The following DCDC1 variants were observed in gnomAD, a reference collection of about 807,000 sequenced individuals.
DCDC1 encodes the protein doublecortin domain containing 1.
A neutral mutation model predicts 178.3 loss-of-function variants in DCDC1; 200 were observed. The ratio of observed to expected loss-of-function variants is 1.12; its 90% confidence interval spans 1.00 to 1.26. The LOEUF (loss-of-function observed/expected upper bound fraction) is 1.26. DCDC1 is among the 50% of genes most tolerant of loss of function. The pLI is 0.00. For synonymous variants in DCDC1, 690 were observed against 604.8 expected, an observed-to-expected ratio of 1.14 and a Z score of -2.07; for missense variants, 1,983 against 1,749.2, an observed-to-expected ratio of 1.13 and a Z score of -2.38.
At chr11:30,918,083 A>G (rs1377900836) in intron 25 of DCDC1, among the ~76,000 whole-genome samples, 2 of 152,138 alleles carry the variant, frequency 1.3e-5, no homozygotes, top group Non-Finnish European at 2.9e-5. Flanking sequence ...TTAAAAATAA[A>G]ACGCACAGCT....
chr11:30,923,861 C>A (rs1946425148), intron 23 of DCDC1, among the ~76,000 whole-genome samples: 2 of 152,096 alleles, frequency 1.3e-5, no homozygotes, highest in Non-Finnish European at 2.9e-5. Flanking sequence ...AGGTGATCCA[C>A]CCACCTCGGC....
chr11:31,036,443 T>C (rs1278922876), intron 20 of DCDC1, among the ~76,000 whole-genome samples: 1 of 152,206 alleles, frequency 6.6e-6, no homozygotes, highest in Non-Finnish European at 1.5e-5. Context: ...CACTAAGCCC[T>C]GACCCACCTA....
intron 17 of DCDC1, among the ~76,000 whole-genome samples, chr11:31,084,972 C>T (rs1194211596): frequency 2.7e-5 from 4 of 150,812 alleles, no homozygotes; most frequent in East Asian, 4.0e-4. Context: ...TTTCAGTATC[C>T]GGTGTGCCTA....
chr11:31,277,421 T>C (rs7118184), intron 7 of DCDC1, among the ~76,000 whole-genome samples: 39,845 of 152,076 alleles, frequency 0.26, 5,374 homozygotes, highest in African/African-American at 0.32. Flanking sequence ...ATATGTTATT[T>C]ATCTTGGTAT....
At position 30,884,033 on chromosome 11, in the gene DCDC1, A is replaced by ATTTTTTTTTTTTTTTTTTTTTTT. The variant is rs59940255; in HGVS notation, c.5083-2726_5083-2725insAAAAAAAAAAAAAAAAAAAAAAA. Among the ~76,000 whole-genome samples, 4 of 95,784 alleles carry ATTTTTTTTTTTTTTTTTTTTTTT rather than the reference A, an allele frequency of 4.2e-5. 1 individual carries two copies. The highest frequency in any genetic ancestry group is 6.0e-5 in the Non-Finnish European group (3 of 49,926). The allele number at this position is 95,784 out of a possible 152,430, so 62.8% of individuals were successfully genotyped here. ...AAAGAAAACCAAAGCATTCTTTCTC[A>ATTTTTTTTTTTTTTTTTTTTTTT]TTTTTTTTTTTTTTTGAGACAGGGT... On this transcript the variant is annotated intron_variant, in intron 36 of 38. Transcript: ENST00000684477.
intron 6 of DCDC1, among the ~76,000 whole-genome samples, chr11:31,295,808 C>T (rs953389946): frequency 5.9e-5 from 9 of 152,102 alleles, no homozygotes; most frequent in Non-Finnish European, 8.8e-5. Flanking sequence ...ACCTGAGACG[C>T]GGTAAAGGAA....
intron 17 of DCDC1, among the ~76,000 whole-genome samples, chr11:31,087,842 G>T (rs1322212662): frequency 1.3e-5 from 2 of 152,054 alleles, no homozygotes; most frequent in Non-Finnish European, 2.9e-5. Flanking sequence ...GGTAAAGTTG[G>T]TCTGTAATGT....
chr11:30,979,915 A>C (rs935980812), intron 20 of DCDC1, among the ~76,000 whole-genome samples: 1 of 152,224 alleles, frequency 6.6e-6, no homozygotes, highest in African/African-American at 2.4e-5. Flanking sequence ...TCTGAGAGGC[A>C]AGAAGCAATA....
chr11:30,900,598 C>A, intron 32 of DCDC1, 100 bp from the exon 33 acceptor site: 1 of 1,205,900 alleles, frequency 8.3e-7, no homozygotes. Flanking sequence ...TCATTAATAA[C>A]TTAATTTGAT....
At position 31,365,639 on chromosome 11, in the gene DCDC1, G is replaced by A. The variant is rs141547187; in HGVS notation, c.-125+4058C>T. 4.6e-5 allele frequency among the ~76,000 whole-genome samples: 7 copies of A among 152,190 alleles called. No individual in the cohort carries two copies. The East Asian group carries it at 5.8e-4, about 13-fold the overall frequency. ...GGTAGACGTTAGTTTACGGGCAGGC[G>A]TGTACCAAAGTGATAGATTTAATAA... On this transcript the variant is annotated intron_variant, in intron 1 of 38. Coordinates refer to ENST00000684477, the MANE Select transcript of DCDC1 (RefSeq NM_001387274.1).
chr11:31,348,302 T>A (rs571357339), intron 1 of DCDC1, among the ~76,000 whole-genome samples: 1 of 152,282 alleles, frequency 6.6e-6, no homozygotes, highest in East Asian at 1.9e-4. Context: ...AAAGCATGCA[T>A]GTGGAAGAAA....
intron 2 of DCDC1, among the ~76,000 whole-genome samples, chr11:31,331,115 A>C (rs1485771580): frequency 6.6e-6 from 1 of 152,136 alleles, no homozygotes; most frequent in Non-Finnish European, 1.5e-5. Flanking sequence ...ATCCCTTGTA[A>C]GCTGGATTCC....
At chr11:30,953,906 A>G (rs894101903) in intron 20 of DCDC1, among the ~76,000 whole-genome samples, 1 of 152,126 alleles carries the variant, frequency 6.6e-6, no homozygotes, top group Non-Finnish European at 1.5e-5. Flanking sequence ...ATAAGAATGT[A>G]AGACAAACCA....
At chr11:31,043,202 CT>C (rs1314749867) in intron 20 of DCDC1, among the ~76,000 whole-genome samples, 1 of 152,180 alleles carries the variant, frequency 6.6e-6, no homozygotes, top group Admixed American at 6.5e-5. Flanking sequence ...TCTATGCAGT[CT>C]GTCACTGACC....
At chr11:31,027,169 G>T (rs1011077826) in intron 20 of DCDC1, among the ~76,000 whole-genome samples, 6 of 151,754 alleles carry the variant, frequency 4.0e-5, no homozygotes, top group African/African-American at 1.4e-4. Flanking sequence ...GAAAAATGAA[G>T]ATTCAAAATA....
intron 9 of DCDC1, among the ~76,000 whole-genome samples, chr11:31,233,087 C>CAAAA (rs145908518): frequency 8.1e-6 from 1 of 122,732 alleles, no homozygotes. Flanking sequence ...GACTTCATCT[C>CAAAA]AAAAAAAAAA....
intron 9 of DCDC1, among the ~76,000 whole-genome samples, chr11:31,145,400 T>A (rs1164382970): frequency 2.6e-5 from 4 of 152,086 alleles, no homozygotes; most frequent in Admixed American, 2.6e-4. Flanking sequence ...TCTGAAGAGA[T>A]CTTTACTAGG....
At chr11:30,986,423 C>T (rs1462366518) in intron 20 of DCDC1, among the ~76,000 whole-genome samples, 1 of 151,444 alleles carries the variant, frequency 6.6e-6, no homozygotes, top group Non-Finnish European at 1.5e-5. Context: ...AGCTCCGCCT[C>T]CTGGGTTCAA....
At chr11:31,268,810 G>A (rs549461140) in intron 7 of DCDC1, among the ~76,000 whole-genome samples, 4 of 152,182 alleles carry the variant, frequency 2.6e-5, no homozygotes, top group Non-Finnish European at 5.9e-5. Context: ...TTCCACAGTA[G>A]CTGAACTAAT....
Sources: allele counts gnomAD v4.1 joint callset (sites outside exome capture counted in the v4.1 genomes callset), GRCh38; gene constraint gnomAD v4.1.1; transcripts MANE v1.5; gene names NCBI Gene and HGNC (gene_info 2026-07-23, HGNC 2026-07-21).